Variants in NHSL2 observed in about 807,000 individuals in gnomAD.
NHSL2 encodes the protein NHS-like protein 2.
A neutral mutation model predicts 53.4 loss-of-function variants in NHSL2; 27 were observed. That is an observed-to-expected ratio of 0.51 (90% CI 0.37 to 0.70). NHSL2 has a LOEUF of 0.70. Among genes scored for constraint, NHSL2 ranks in the 30% least tolerant of loss-of-function variants. The probability of loss-of-function intolerance (pLI) is 0.00; values close to 1 mark genes in which losing one functional copy is unlikely to be tolerated. For synonymous variants in NHSL2, 408 were observed against 404.1 expected, an observed-to-expected ratio of 1.01 and a Z score of -0.12; for missense variants, 892 against 980.1, an observed-to-expected ratio of 0.91 and a Z score of 1.20.
At chrX:72,011,987 T>C (rs1317400039) in intron 1 of NHSL2, among the ~76,000 whole-genome samples, 1 of 111,890 alleles carries the variant, frequency 8.9e-6, no homozygotes, top group African/African-American at 3.2e-5. Context: ...AACTGTCGAG[T>C]TTTGACAGTT....
intron 1 of NHSL2, among the ~76,000 whole-genome samples, chrX:72,033,247 C>T (rs1271371473): frequency 2.0e-5 from 2 of 98,757 alleles, no homozygotes; most frequent in East Asian, 3.1e-4. Context: ...AGTGCAGTGG[C>T]GCAATCTTGG....
chrX:72,057,648 A>G lies in NHSL2; in HGVS notation c.281-74431A>G, dbSNP rs190114782. On this transcript the variant is annotated intron_variant, in intron 1 of 7. Coordinates refer to ENST00000633930, the MANE Select transcript of NHSL2 (RefSeq NM_001013627.3). ...GGGCAAGAATTTCTCTAAACCAGAG[A>G]TTTTCAGAGTACAATTCACAGACCC... is the stretch of plus-strand genomic sequence containing the variant. Among the ~76,000 whole-genome samples, 28 of 111,940 alleles carry G rather than the reference A, an allele frequency of 2.5e-4. No homozygotes were observed. The East Asian group carries it at 7.3e-3, about 29-fold the overall frequency.
chrX:71,991,361 A>G (rs1005332090), intron 1 of NHSL2, among the ~76,000 whole-genome samples: 2 of 112,108 alleles, frequency 1.8e-5, no homozygotes, highest in Middle Eastern at 4.6e-3. Flanking sequence ...TCACCTTTCA[A>G]CTCTGGCGTG....
At chrX:71,998,614 A>G (rs1370764849) in intron 1 of NHSL2, among the ~76,000 whole-genome samples, 1 of 111,813 alleles carries the variant, frequency 8.9e-6, no homozygotes, top group Non-Finnish European at 1.9e-5. Context: ...GGCTATGAAC[A>G]TGTGGCGCCT....
At chrX:72,138,013 C>T (rs2042374612) in intron 5 of NHSL2, among the ~76,000 whole-genome samples, 1 of 111,477 alleles carries the variant, frequency 9.0e-6, no homozygotes, top group Non-Finnish European at 1.9e-5. Context: ...AGCTTTGCAT[C>T]TTGGGCATGC....
rs145116855 is a variant in NHSL2 at position 72,084,441 on chromosome X, A to G, written c.281-47638A>G. ...GATGCAGGACTGGTTGGAGGGAGAA[A>G]TTGGACTATGATGCTGTCCTAATGA... On this transcript the variant is annotated intron_variant, in intron 1 of 7. Coordinates refer to ENST00000633930, the MANE Select transcript of NHSL2 (RefSeq NM_001013627.3). 2.7e-5 allele frequency among the ~76,000 whole-genome samples: 3 copies of G among 112,155 alleles called. No homozygotes were observed. The East Asian group carries it at 8.4e-4, about 31-fold the overall frequency.
At chrX:72,061,358 CTG>C (rs1186138419) in intron 1 of NHSL2, among the ~76,000 whole-genome samples, 2 of 112,432 alleles carry the variant, frequency 1.8e-5, no homozygotes, top group African/African-American at 6.5e-5. Flanking sequence ...CACTTACAAG[CTG>C]TGTGATCTTT....
At chrX:72,052,548 C>T (rs1471257061) in intron 1 of NHSL2, among the ~76,000 whole-genome samples, 2 of 112,269 alleles carry the variant, frequency 1.8e-5, no homozygotes, top group African/African-American at 3.2e-5. Context: ...AAGAGATGGG[C>T]TTGGGGATGA....
At chrX:72,140,857 C>A in intron 6 of NHSL2, 86 bp downstream of exon 6, 1 of 798,635 alleles carries the variant, frequency 1.3e-6, no homozygotes, top group Non-Finnish European at 1.8e-6. Flanking sequence ...AGCAGATGCC[C>A]CAGAATAATT....
intron 6 of NHSL2, among the ~76,000 whole-genome samples, chrX:72,141,579 A>G (rs1488543107): frequency 1.8e-5 from 2 of 111,643 alleles, no homozygotes; most frequent in Non-Finnish European, 3.8e-5. Flanking sequence ...TCCAACCACC[A>G]TTCTACTTTC....
At chrX:72,076,122 G>A (rs1293049619) in intron 1 of NHSL2, among the ~76,000 whole-genome samples, 2 of 110,853 alleles carry the variant, frequency 1.8e-5, no homozygotes, top group East Asian at 5.7e-4. Flanking sequence ...TAGTAGAGAT[G>A]GGGTTTCTCC....
At chrX:72,107,300 C>T (rs946090537) in intron 1 of NHSL2, among the ~76,000 whole-genome samples, 1 of 110,907 alleles carries the variant, frequency 9.0e-6, no homozygotes, top group Non-Finnish European at 1.9e-5. Flanking sequence ...AATAAATAAA[C>T]AATAAATAAA....
chrX:72,026,148 G>A (rs773882025), intron 1 of NHSL2, among the ~76,000 whole-genome samples: 2 of 111,899 alleles, frequency 1.8e-5, no homozygotes, highest in South Asian at 7.5e-4. Flanking sequence ...TCCCCTGCCC[G>A]ATTCCCTGAT....
intron 1 of NHSL2, among the ~76,000 whole-genome samples, chrX:72,099,945 G>A (rs2041977696): frequency 9.0e-6 from 1 of 111,399 alleles, no homozygotes; most frequent in South Asian, 3.9e-4. Context: ...GTATTGAACA[G>A]TGGAAGTTGA....
chrX:72,002,827 G>C (rs905482810), intron 1 of NHSL2, among the ~76,000 whole-genome samples: 5 of 111,719 alleles, frequency 4.5e-5, no homozygotes, highest in African/African-American at 1.6e-4. Context: ...TGTGTGCTGG[G>C]TATTTACCAA....
At position 72,152,491 on chromosome X, in the gene NHSL2, C is replaced by T. The variant is rs1445806767; in HGVS notation, c.*8917C>T. 8.9e-6 allele frequency: 1 copy of T among 112,083 alleles called. No homozygotes were observed. The allele number at this position is 112,083 out of a possible 1,213,427, so 9.2% of individuals were successfully genotyped here. The stretch of plus-strand genomic sequence containing the variant: ...TCCTGAAGCATTTGCCCTTTCTTGC[C>T]TCTTGAGACCTTCTTTCCATTGGCA... On this transcript the variant is annotated 3_prime_UTR_variant, in exon 8 of 8. Coordinates refer to ENST00000633930, the MANE Select transcript of NHSL2 (RefSeq NM_001013627.3).
intron 1 of NHSL2, among the ~76,000 whole-genome samples, chrX:71,912,324 T>C (rs868837123): frequency 1.8e-5 from 2 of 112,469 alleles, no homozygotes; most frequent in Non-Finnish European, 3.8e-5. Flanking sequence ...CTGAGTAGGC[T>C]GGAAATGCTG....
intron 1 of NHSL2, among the ~76,000 whole-genome samples, chrX:72,080,826 C>A (rs1373572439): frequency 1.8e-5 from 2 of 111,707 alleles, no homozygotes; most frequent in African/African-American, 6.5e-5. Context: ...CTTCTGTACA[C>A]ACAGGTTGCT....
At chrX:72,052,929 G>A (rs1187029206) in intron 1 of NHSL2, among the ~76,000 whole-genome samples, 1 of 111,933 alleles carries the variant, frequency 8.9e-6, no homozygotes. Context: ...CTGTGACTCA[G>A]CCCTCATGCC....
Sources: gnomAD v4.1 joint callset for allele counts (sites outside exome capture counted in the v4.1 genomes callset) on GRCh38, gnomAD v4.1.1 for gene constraint, MANE v1.5 for transcripts, NCBI Gene and HGNC (gene_info 2026-07-23, HGNC 2026-07-21) for gene names.